LRRC4C: variants seen among roughly 807,000 people sequenced by gnomAD.
LRRC4C encodes the protein leucine rich repeat containing 4C.
In LRRC4C, 5 loss-of-function variants were observed where a neutral mutation model predicts 33.6. The observed-to-expected ratio is 0.15, with a 90% CI of 0.08 to 0.31. LRRC4C has a LOEUF of 0.31. Among genes scored for constraint, LRRC4C ranks in the 10% least tolerant of loss-of-function variants. The pLI is 1.00. For synonymous variants in LRRC4C, 329 were observed against 302.0 expected, an observed-to-expected ratio of 1.09 and a Z score of -0.93; for missense variants, 560 against 796.7, an observed-to-expected ratio of 0.70 and a Z score of 3.58.
At chr11:40,777,499 G>GTTTTTTTTTTTTTTTTTTTTTAT (rs57851988) in intron 2 of LRRC4C, among the ~76,000 whole-genome samples, 1 of 137,638 alleles carries the variant, frequency 7.3e-6, no homozygotes, top group African/African-American at 2.7e-5. Context: ...CTTTTTTACT[G>GTTTTTTTTTTTTTTTTTTTTTAT]TTTTTTTTTT....
intron 1 of LRRC4C, among the ~76,000 whole-genome samples, chr11:41,268,329 T>C (rs933510320): frequency 6.6e-6 from 1 of 152,114 alleles, no homozygotes; most frequent in African/African-American, 2.4e-5. Context: ...AACACCTTGA[T>C]CACAGCCTTG....
At chr11:40,238,402 C>T (rs1224012902) in intron 5 of LRRC4C, among the ~76,000 whole-genome samples, 1 of 152,182 alleles carries the variant, frequency 6.6e-6, no homozygotes, top group African/African-American at 2.4e-5. Context: ...TTTCTGTCTA[C>T]ATTTGATCCT....
chr11:40,744,092 G>A (rs1015969373), intron 2 of LRRC4C, among the ~76,000 whole-genome samples: 24 of 151,930 alleles, frequency 1.6e-4, no homozygotes, highest in African/African-American at 5.3e-4. Flanking sequence ...ACCGTGTTCC[G>A]GCACTTCTGT....
At chr11:41,039,061 T>C (rs554236472) in intron 1 of LRRC4C, among the ~76,000 whole-genome samples, 2 of 152,348 alleles carry the variant, frequency 1.3e-5, no homozygotes, top group Non-Finnish European at 2.9e-5. Context: ...TTTTATAGTT[T>C]GAGATCTTAC....
At chr11:41,232,959 C>A (rs1947865319) in intron 1 of LRRC4C, among the ~76,000 whole-genome samples, 1 of 152,058 alleles carries the variant, frequency 6.6e-6, no homozygotes, top group Non-Finnish European at 1.5e-5. Context: ...ATTTTAGCAA[C>A]TTTGCATTTA....
At chr11:40,376,557 C>T (rs182785990) in intron 3 of LRRC4C, among the ~76,000 whole-genome samples, 4 of 152,210 alleles carry the variant, frequency 2.6e-5, no homozygotes, top group African/African-American at 7.2e-5. Context: ...GATAAACTCC[C>T]AGAGAGATTA....
intron 1 of LRRC4C, among the ~76,000 whole-genome samples, chr11:40,959,283 A>T (rs1959092604): frequency 6.6e-6 from 1 of 151,642 alleles, no homozygotes; most frequent in Non-Finnish European, 1.5e-5. Flanking sequence ...AGAATTACCT[A>T]ATTTAGAGAT....
At chr11:41,139,261 AT>A (rs1176896579) in intron 1 of LRRC4C, among the ~76,000 whole-genome samples, 2 of 152,218 alleles carry the variant, frequency 1.3e-5, no homozygotes, top group African/African-American at 4.8e-5. Context: ...GCTAGAAATA[AT>A]TTATAGTAAG....
chr11:40,198,866 C>G (rs575719863), intron 5 of LRRC4C, among the ~76,000 whole-genome samples: 1 of 152,106 alleles, frequency 6.6e-6, no homozygotes, highest in African/African-American at 2.4e-5. Flanking sequence ...AAAATGTAAA[C>G]CATGTGGAAG....
intron 3 of LRRC4C, among the ~76,000 whole-genome samples, chr11:40,399,853 T>A (rs902219953): frequency 2.0e-5 from 3 of 151,998 alleles, no homozygotes; most frequent in Non-Finnish European, 4.4e-5. Context: ...ACGGGGCAGT[T>A]TAGTCTATAA....
chr11:41,314,295 T>G (rs1950722413), intron 1 of LRRC4C, among the ~76,000 whole-genome samples: 1 of 152,202 alleles, frequency 6.6e-6, no homozygotes, highest in Non-Finnish European at 1.5e-5. Flanking sequence ...ATCAGTTAAG[T>G]TTAGCCTATG....
intron 1 of LRRC4C, among the ~76,000 whole-genome samples, chr11:41,220,383 G>C (rs1947249476): frequency 6.6e-6 from 1 of 152,088 alleles, no homozygotes; most frequent in South Asian, 2.1e-4. Flanking sequence ...CTCCAAGGGA[G>C]AGTTATGAAA....
At chr11:41,170,155 A>G (rs534847837) in intron 1 of LRRC4C, among the ~76,000 whole-genome samples, 1 of 152,278 alleles carries the variant, frequency 6.6e-6, no homozygotes, top group South Asian at 2.1e-4. Flanking sequence ...AACTATCAAG[A>G]TAGACTAGAT....
At chr11:41,195,738 A>G (rs1305167244) in intron 1 of LRRC4C, among the ~76,000 whole-genome samples, 1 of 152,130 alleles carries the variant, frequency 6.6e-6, no homozygotes, top group African/African-American at 2.4e-5. Flanking sequence ...AAGTGAGCAA[A>G]TGTATGAAAG....
chr11:40,249,758 G>T (rs968850468), intron 4 of LRRC4C, among the ~76,000 whole-genome samples: 2 of 151,778 alleles, frequency 1.3e-5, no homozygotes, highest in African/African-American at 4.8e-5. Context: ...GGACTCTCTC[G>T]CTTTTTTTTC....
At chr11:41,366,917 G>T (rs1458430097) in intron 1 of LRRC4C, among the ~76,000 whole-genome samples, 1 of 152,230 alleles carries the variant, frequency 6.6e-6, no homozygotes, top group East Asian at 1.9e-4. Context: ...GGCAGTTCTA[G>T]CAAACTAATA....
chr11:40,725,992 T>A (rs1429554432), intron 2 of LRRC4C, among the ~76,000 whole-genome samples: 1 of 152,058 alleles, frequency 6.6e-6, no homozygotes, highest in African/African-American at 2.4e-5. Context: ...CAATAGATCC[T>A]CAGAGATTAT....
intron 1 of LRRC4C, among the ~76,000 whole-genome samples, chr11:41,191,526 T>C (rs1945947755): frequency 6.6e-6 from 1 of 152,192 alleles, no homozygotes; most frequent in South Asian, 2.1e-4. Context: ...AAGTTTATAG[T>C]GACTCTGTTC....
At chr11:40,423,982 C>T (rs1390594453) in intron 3 of LRRC4C, among the ~76,000 whole-genome samples, 1 of 151,986 alleles carries the variant, frequency 6.6e-6, no homozygotes, top group South Asian at 2.1e-4. Context: ...TATAAAAACT[C>T]ATGTATATGT....
Sources: gnomAD v4.1 joint callset for allele counts (sites outside exome capture counted in the v4.1 genomes callset) on GRCh38, gnomAD v4.1.1 for gene constraint, MANE v1.5 for transcripts, NCBI Gene and HGNC (gene_info 2026-07-23, HGNC 2026-07-21) for gene names.